Variants in R3HCC1L observed in about 807,000 individuals in gnomAD.
The protein encoded by R3HCC1L is R3H domain and coiled-coil containing 1 like, also known as coiled-coil domain-containing protein R3HCC1L.
R3HCC1L carries 51 observed loss-of-function variants against 59.9 expected under a neutral mutation model. The ratio of observed to expected loss-of-function variants is 0.85; its 90% CI spans 0.68 to 1.07. The LOEUF is 1.07. Ranked by LOEUF, R3HCC1L falls within the 50% of genes least tolerant of loss-of-function variation. The pLI, the probability that R3HCC1L is intolerant of heterozygous loss-of-function variation, is 0.00. For missense variants in R3HCC1L, 965 were observed against 933.0 expected, an observed-to-expected ratio of 1.03 and a Z score of -0.45; for synonymous variants, 322 against 315.2, an observed-to-expected ratio of 1.02 and a Z score of -0.23.
At chr10:98,170,250 C>T (rs1848389869) in intron 4 of R3HCC1L, among the ~76,000 whole-genome samples, 1 of 151,952 alleles carries the variant, frequency 6.6e-6, no homozygotes, top group Admixed American at 6.6e-5. Context: ...TAGTTACTAC[C>T]ACTCTAATAG....
intron 5 of R3HCC1L, among the ~76,000 whole-genome samples, chr10:98,219,856 G>A (rs1423586390): frequency 6.6e-6 from 1 of 152,064 alleles, no homozygotes; most frequent in Non-Finnish European, 1.5e-5. Flanking sequence ...GTGTGCCTTG[G>A]AGAAGACATT....
chr10:98,158,741 G>A (rs1847120483), intron 2 of R3HCC1L, among the ~76,000 whole-genome samples: 1 of 151,982 alleles, frequency 6.6e-6, no homozygotes, highest in African/African-American at 2.4e-5. Flanking sequence ...CAGGTCATGA[G>A]TGCACTCAGT....
At chr10:98,195,787 A>G (rs1851369661) in intron 4 of R3HCC1L, among the ~76,000 whole-genome samples, 1 of 152,202 alleles carries the variant, frequency 6.6e-6, no homozygotes, top group African/African-American at 2.4e-5. Flanking sequence ...TTTTGTCATC[A>G]GAACACTGAG....
chr10:98,212,285 G>C (rs904549753), intron 5 of R3HCC1L, among the ~76,000 whole-genome samples: 1 of 152,136 alleles, frequency 6.6e-6, no homozygotes, highest in African/African-American at 2.4e-5. Flanking sequence ...AGCAGAGTGA[G>C]TGCCTGCCTC....
chr10:98,187,000 T>C (rs957174339), intron 4 of R3HCC1L, among the ~76,000 whole-genome samples: 3 of 152,192 alleles, frequency 2.0e-5, no homozygotes, highest in Non-Finnish European at 2.9e-5. Flanking sequence ...AAAATGGTGA[T>C]AATAATTATA....
rs546352828 is a variant in R3HCC1L, at chr10:98,203,856, A to G, written c.-14-4245A>G. ...AGGTATGATCCCAGTGTTCAACAGT[A>G]TAACAGAAAAAAATGATTTGGCCTA... On this transcript the variant is annotated intron_variant, in intron 4 of 9. Coordinates refer to ENST00000298999, the MANE Select transcript of R3HCC1L (RefSeq NM_001351015.2). Among the ~76,000 whole-genome samples the G allele has an allele frequency of 3.3e-5, 5 of 152,338 alleles. No individual in the cohort carries two copies. In the South Asian group the frequency reaches 8.3e-4, roughly 25 times the overall value.
intron 1 of R3HCC1L, among the ~76,000 whole-genome samples, chr10:98,140,573 CAG>C (rs1258618486): frequency 6.6e-6 from 1 of 152,002 alleles, no homozygotes; most frequent in Non-Finnish European, 1.5e-5. Context: ...GAGGGACAGA[CAG>C]ATACAGGGAG....
intron 7 of R3HCC1L, 131 bp downstream of exon 7, chr10:98,234,647 T>A: frequency 1.1e-6 from 1 of 870,380 alleles, no homozygotes; most frequent in East Asian, 2.5e-5. Flanking sequence ...AGTTAGTGGT[T>A]TTTTTGAGGT....
chr10:98,173,547 T>C (rs1247027692), intron 4 of R3HCC1L, among the ~76,000 whole-genome samples: 4 of 152,208 alleles, frequency 2.6e-5, no homozygotes, highest in Non-Finnish European at 4.4e-5. Flanking sequence ...CTCAGTAGGC[T>C]GCTGATGTTC....
At chr10:98,141,253 T>C (rs2133867644) in intron 1 of R3HCC1L, among the ~76,000 whole-genome samples, 1 of 152,370 alleles carries the variant, frequency 6.6e-6, no homozygotes, top group South Asian at 2.1e-4. Flanking sequence ...TCTTTGTGTC[T>C]TAGGAATCTA....
chr10:98,238,811 T>C (rs752050359), intron 9 of R3HCC1L, among the ~76,000 whole-genome samples: 9 of 152,274 alleles, frequency 5.9e-5, no homozygotes, highest in Non-Finnish European at 1.0e-4. Context: ...TTCTTTGTTA[T>C]CTGTACCAAT....
At chr10:98,144,452 G>A (rs928213509) in intron 1 of R3HCC1L, among the ~76,000 whole-genome samples, 1 of 152,080 alleles carries the variant, frequency 6.6e-6, no homozygotes, top group Non-Finnish European at 1.5e-5. Context: ...CTGACCTTGT[G>A]ATCTGCCCAC....
Position 98,231,626 on chromosome 10 carries a change from A to G in R3HCC1L, c.1900A>G (p.Ile634Val), listed in dbSNP as rs778942018. Residue 634 changes from isoleucine (I) to valine (V), a missense_variant, in exon 6 of 10, where the codon ATT becomes GTT. Transcript: ENST00000298999. ...TTGTGAATTCCCACATGTCATTGAA[A>G]TTTATGACTTTCCCCAAGAATTTCA... ...SDCEFPHVIE[I>V]YDFPQEFHTE... 1.2e-6 allele frequency: 2 copies of G among 1,612,670 alleles called. No individual in the cohort carries two copies. The highest frequency in any genetic ancestry group is 1.7e-6 in the Non-Finnish European group (2 of 1,178,958).
chr10:98,168,139 C>T (rs999824981), intron 4 of R3HCC1L, among the ~76,000 whole-genome samples: 1 of 152,082 alleles, frequency 6.6e-6, no homozygotes, highest in Admixed American at 6.5e-5. Context: ...TTTTTTTCTT[C>T]TCTCCCTGCC....
At chr10:98,142,968 CAAAA>C (rs143821810) in intron 1 of R3HCC1L, among the ~76,000 whole-genome samples, 2 of 147,584 alleles carry the variant, frequency 1.4e-5, no homozygotes, top group Non-Finnish European at 3.0e-5. Context: ...CAAAACAAAA[CAAAA>C]AAAAAACAGA....
At chr10:98,134,903 G>A (rs1427938849) in intron 1 of R3HCC1L, among the ~76,000 whole-genome samples, 197 bp downstream of exon 1, 4 of 152,188 alleles carry the variant, frequency 2.6e-5, no homozygotes, top group African/African-American at 9.6e-5. Context: ...GACCCCTGCG[G>A]GCCCGCGGTT....
At chr10:98,213,655 T>A (rs1853840569) in intron 5 of R3HCC1L, among the ~76,000 whole-genome samples, 1 of 152,182 alleles carries the variant, frequency 6.6e-6, no homozygotes, top group Non-Finnish European at 1.5e-5. Flanking sequence ...TTCTAATTTC[T>A]GTTTTCTATT....
At chr10:98,212,435 T>C (rs1853690554) in intron 5 of R3HCC1L, among the ~76,000 whole-genome samples, 1 of 152,184 alleles carries the variant, frequency 6.6e-6, no homozygotes, top group African/African-American at 2.4e-5. Context: ...TGACAGCCAT[T>C]GGCTTGTGAA....
intron 2 of R3HCC1L, among the ~76,000 whole-genome samples, chr10:98,158,094 A>G (rs1847059507): frequency 6.6e-6 from 1 of 152,240 alleles, no homozygotes; most frequent in African/African-American, 2.4e-5. Context: ...GCTGATAAAC[A>G]TGAGGAAGAA....
Sources: gnomAD v4.1 joint callset for allele counts (sites outside exome capture counted in the v4.1 genomes callset) on GRCh38, gnomAD v4.1.1 for gene constraint, MANE v1.5 for transcripts, NCBI Gene and HGNC (gene_info 2026-07-23, HGNC 2026-07-21) for gene names.